N4BP1: variants seen among roughly 807,000 people sequenced by gnomAD.
N4BP1 encodes NEDD4 binding protein 1.
N4BP1 carries 21 observed loss-of-function variants against 70.9 expected under a neutral mutation model. The ratio of observed to expected loss-of-function variants is 0.30; its 90% confidence interval spans 0.21 to 0.43. The LOEUF is 0.43. N4BP1 is among the 20% of genes least tolerant of loss of function. N4BP1 has a pLI of 1.00. For missense variants in N4BP1, 936 were observed against 1,069.4 expected (o/e 0.88, Z 1.74); for synonymous variants, 387 against 394.6 (o/e 0.98, Z 0.23).
intron 3 of N4BP1, 58 bp from the exon 4 acceptor site, chr16:48,551,540 C>T (rs1963665947): frequency 8.1e-7 from 1 of 1,235,328 alleles, no homozygotes; most frequent in African/African-American, 1.5e-5. Context: ...CCAAATGTAT[C>T]AAGAAATGAA....
chr16:48,567,767 A>G (rs1421964014), intron 1 of N4BP1, among the ~76,000 whole-genome samples: 1 of 152,148 alleles, frequency 6.6e-6, no homozygotes, highest in Non-Finnish European at 1.5e-5. Context: ...CTTATTTTCT[A>G]TATGATGTTT....
At chr16:48,602,704 A>G (rs1017951994) in intron 1 of N4BP1, among the ~76,000 whole-genome samples, 23 of 152,282 alleles carry the variant, frequency 1.5e-4, no homozygotes, top group African/African-American at 4.3e-4. Context: ...TATTACATCT[A>G]TGAATTCTTT....
At chr16:48,563,963 C>T (rs946284636) in intron 1 of N4BP1, among the ~76,000 whole-genome samples, 1 of 152,202 alleles carries the variant, frequency 6.6e-6, no homozygotes, top group African/African-American at 2.4e-5. Flanking sequence ...TAACTGTAGT[C>T]ATTCTACAGT....
intron 1 of N4BP1, among the ~76,000 whole-genome samples, chr16:48,595,396 G>T (rs1181768433): frequency 2.9e-5 from 4 of 137,690 alleles, no homozygotes; most frequent in Non-Finnish European, 4.6e-5. Flanking sequence ...GGCAGAGGTT[G>T]TAGTGAGCCG....
rs149275012 is a variant in N4BP1 at position 48,559,185 on chromosome 16, G to T, written c.1889+1569C>A. On this transcript the variant is annotated intron_variant, in intron 2 of 6. Coordinates refer to ENST00000262384, the MANE Select transcript of N4BP1 (RefSeq NM_153029.4). The stretch of plus-strand genomic sequence containing the variant: ...ATTCATTATCTTATCTTATGTATTT[G>T]AAAATCCTAATAAAAAATTTACAAA... Among the ~76,000 whole-genome samples the T allele has an allele frequency of 3.0e-3, 452 of 152,096 alleles. 1 individual carries two copies. The highest frequency in any genetic ancestry group is 5.0e-3 in the Non-Finnish European group (342 of 67,970).
At chr16:48,568,218 T>G (rs1963969297) in intron 1 of N4BP1, among the ~76,000 whole-genome samples, 1 of 152,184 alleles carries the variant, frequency 6.6e-6, no homozygotes, top group African/African-American at 2.4e-5. Flanking sequence ...ATTCTTTCAC[T>G]GGCACTGACC....
intron 2 of N4BP1, among the ~76,000 whole-genome samples, chr16:48,557,764 TTAAAAAAAGAAAAA>T: frequency 6.6e-6 from 1 of 152,292 alleles, no homozygotes; most frequent in East Asian, 1.9e-4. Flanking sequence ...ACTTTACCTC[TTAAAAAAAGAAAAA>T]TTCTAATTTG....
chr16:48,595,471 A>AAAAC (rs1964398104), intron 1 of N4BP1, among the ~76,000 whole-genome samples: 1 of 151,332 alleles, frequency 6.6e-6, no homozygotes, highest in Non-Finnish European at 1.5e-5. Context: ...AAAAAAAAAA[A>AAAAC]AAAAAAAAGA....
intron 2 of N4BP1, among the ~76,000 whole-genome samples, chr16:48,556,638 A>G (rs1299933242): frequency 6.6e-6 from 1 of 152,188 alleles, no homozygotes; most frequent in Admixed American, 6.5e-5. Flanking sequence ...GTTGTTTGCC[A>G]TATTATAGAA....
rs1213400919 is a variant in N4BP1, at chr16:48,541,474, G to C, written c.*1430C>G. 2 of 152,352 alleles carry C rather than the reference G, an allele frequency of 1.3e-5. No individual in the cohort carries two copies. The highest frequency in any genetic ancestry group is 1.5e-5 in the Non-Finnish European group (1 of 68,144). 9.4% of individuals were successfully genotyped at this position (152,352 alleles called of 1,614,324 possible). The stretch of plus-strand genomic sequence containing the variant: ...ATGGAGGGCTCTGGATTCATCCCTT[G>C]AAGAACGCAGTGATCAAACAAAACC... On this transcript the variant is annotated 3_prime_UTR_variant, in exon 7 of 7. Coordinates refer to ENST00000262384, the MANE Select transcript of N4BP1 (RefSeq NM_153029.4).
intron 1 of N4BP1, among the ~76,000 whole-genome samples, chr16:48,567,319 A>G (rs1025349527): frequency 3.3e-5 from 5 of 151,802 alleles, no homozygotes; most frequent in Admixed American, 6.6e-5. Flanking sequence ...TACCTACTGC[A>G]TTTTTTTCTT....
At chr16:48,594,713 T>C (rs1053753458) in intron 1 of N4BP1, among the ~76,000 whole-genome samples, 4 of 152,226 alleles carry the variant, frequency 2.6e-5, no homozygotes, top group Non-Finnish European at 5.9e-5. Flanking sequence ...TATTTAATTC[T>C]CTTTCGGTTA....
At chr16:48,549,189 G>A (rs958469726) in intron 4 of N4BP1, among the ~76,000 whole-genome samples, 2 of 152,234 alleles carry the variant, frequency 1.3e-5, no homozygotes, top group African/African-American at 4.8e-5. Flanking sequence ...TAGCAGTGAT[G>A]AGTACTTAAT....
chr16:48,563,182 G>A (rs959186175), intron 1 of N4BP1, among the ~76,000 whole-genome samples: 1 of 151,698 alleles, frequency 6.6e-6, no homozygotes, highest in African/African-American at 2.4e-5. Flanking sequence ...GGGCAACATG[G>A]TGAAACCCCA....
Position 48,544,920 on chromosome 16 carries a change from G to A in N4BP1, c.2333+1227C>T, listed in dbSNP as rs115556396. 3.0e-3 allele frequency among the ~76,000 whole-genome samples: 461 copies of A among 152,266 alleles called. 1 individual carries two copies. The highest frequency in any genetic ancestry group is 0.011 in the African/African-American group (450 of 41,538). ...TCTCACACATACATGATGAACCTAA[G>A]TAGTATTCGCCAGTAAGTGACCACC... is the stretch of plus-strand genomic sequence containing the variant. On this transcript the variant is annotated intron_variant, in intron 6 of 6. Transcript: ENST00000262384.
In N4BP1 at chr16:48,604,257, T is replaced by C. The variant is rs114107497; in HGVS notation, c.198+5518A>G. Among the ~76,000 whole-genome samples the C allele has an allele frequency of 8.2e-3, 1,245 of 152,236 alleles. 12 individuals are homozygous for C. The highest frequency in any genetic ancestry group is 0.028 in the African/African-American group (1,150 of 41,538). ...GCCTTCAAATGCCCTCTTCAAGTAT[T>C]AGAAACATATGGGCTAGGCATGGTG... On this transcript the variant is annotated intron_variant, in intron 1 of 6. Transcript: ENST00000262384.
At chr16:48,569,187 C>T (rs78550482) in intron 1 of N4BP1, among the ~76,000 whole-genome samples, 2,061 of 152,292 alleles carry the variant, frequency 0.014, 42 homozygotes, top group African/African-American at 0.047. Flanking sequence ...TTTCCTACCC[C>T]TTTATATGCC....
intron 1 of N4BP1, among the ~76,000 whole-genome samples, chr16:48,569,151 C>T (rs1461084110): frequency 6.6e-6 from 1 of 152,222 alleles, no homozygotes; most frequent in African/African-American, 2.4e-5. Context: ...CTCAGCACTG[C>T]TGTCTTTTCC....
intron 1 of N4BP1, chr16:48,577,511 T>A (rs543723800): frequency 6.1e-6 from 1 of 163,672 alleles, no homozygotes; most frequent in Non-Finnish European, 1.4e-5. Context: ...TTTATTTTTC[T>A]TGTATAAAAC....
Sources: allele counts gnomAD v4.1 joint callset (sites outside exome capture counted in the v4.1 genomes callset), GRCh38; gene constraint gnomAD v4.1.1; transcripts MANE v1.5; gene names NCBI Gene and HGNC (gene_info 2026-07-23, HGNC 2026-07-21).